The following PALB2 variants were observed in gnomAD, a reference collection of about 807,000 sequenced individuals.
PALB2 encodes the protein partner and localizer of BRCA2.
In PALB2, 82 loss-of-function variants were observed where a neutral mutation model predicts 107.4. That is an observed-to-expected ratio of 0.76 (90% CI 0.64 to 0.92). The LOEUF is 0.92. PALB2 is among the 40% of genes least tolerant of loss of function. The probability of loss-of-function intolerance (pLI) is 0.00; values close to 1 mark genes in which losing one functional copy is unlikely to be tolerated. For synonymous variants in PALB2, 489 were observed against 496.8 expected (o/e 0.98, Z 0.21); for missense variants, 1,374 against 1,379.9 (o/e 1.00, Z 0.07).
chr16:23,607,584 C>T (rs1356144126), intron 12 of PALB2, among the ~76,000 whole-genome samples: 1 of 151,920 alleles, frequency 6.6e-6, no homozygotes, highest in Non-Finnish European at 1.5e-5. Context: ...GCATGATCCA[C>T]CATGTGCTGC....
intron 10 of PALB2, among the ~76,000 whole-genome samples, chr16:23,619,670 T>G (rs1479114796): frequency 6.6e-6 from 1 of 152,232 alleles, no homozygotes; most frequent in East Asian, 1.9e-4. Flanking sequence ...CTGATGTTTT[T>G]TCTTTTTAAA....
intron 7 of PALB2, 56 bp downstream of exon 7, chr16:23,626,177 ATCT>A (rs753566712): frequency 3.8e-5 from 61 of 1,603,790 alleles, no homozygotes; most frequent in Non-Finnish European, 4.8e-5. Flanking sequence ...TAAGCTGCCC[ATCT>A]ACATTATCAG....
At chr16:23,641,032 G>A (rs1281787774) in intron 1 of PALB2, 78 bp downstream of exon 1, 10 of 1,540,736 alleles carry the variant, frequency 6.5e-6, no homozygotes, top group South Asian at 1.2e-5. Flanking sequence ...TCGGACTGCC[G>A]AGGACACAAA....
chr16:23,626,092 ACTTTT>A (rs1430065192), intron 7 of PALB2, 139 bp downstream of exon 7: 1 of 965,258 alleles, frequency 1.0e-6, no homozygotes, highest in Non-Finnish European at 1.6e-6. Flanking sequence ...GATGTTTGAA[ACTTTT>A]CATAATAAAA....
intron 6 of PALB2, among the ~76,000 whole-genome samples, chr16:23,626,766 C>T (rs1966843477): frequency 6.6e-6 from 1 of 151,956 alleles, no homozygotes; most frequent in South Asian, 2.1e-4. Context: ...GGATTACAGG[C>T]GCCCGCCACC....
intron 1 of PALB2, among the ~76,000 whole-genome samples, chr16:23,639,177 T>A (rs1485769776): frequency 6.6e-6 from 1 of 152,114 alleles, no homozygotes; most frequent in Non-Finnish European, 1.5e-5. Flanking sequence ...GCTGTACTCA[T>A]CTTTCAACCA....
At chr16:23,616,847 T>C (rs111806024) in intron 10 of PALB2, among the ~76,000 whole-genome samples, 5,055 of 151,768 alleles carry the variant, frequency 0.033, 117 homozygotes, top group Middle Eastern at 0.089. Flanking sequence ...CGGAGTCTCA[T>C]TGTCGCCCAG....
At chr16:23,627,360 G>A (rs1057318919) in intron 6 of PALB2, among the ~76,000 whole-genome samples, 8 of 151,752 alleles carry the variant, frequency 5.3e-5, no homozygotes, top group South Asian at 2.1e-4. Context: ...GGTGGCGGGC[G>A]CCTGTAGTCC....
intron 10 of PALB2, among the ~76,000 whole-genome samples, chr16:23,620,510 AC>A (rs1966754240): frequency 6.6e-6 from 1 of 151,920 alleles, no homozygotes; most frequent in Non-Finnish European, 1.5e-5. Context: ...AAAGGGAGAA[AC>A]CCCTCCAGTA....
chr16:23,639,722 A>G (rs991632153), intron 1 of PALB2, among the ~76,000 whole-genome samples: 2 of 150,428 alleles, frequency 1.3e-5, no homozygotes, highest in African/African-American at 4.9e-5. Flanking sequence ...CGGGAGGCTG[A>G]GGCAGGAGAA....
rs786203714 is a variant in PALB2 at position 23,635,095 on chromosome 16, A to T, written c.1451T>A (p.Leu484Ter). 2 of 1,614,170 alleles carry T rather than the reference A, an allele frequency of 1.2e-6. No homozygotes were observed. The highest frequency in any genetic ancestry group is 1.7e-6 in the Non-Finnish European group (2 of 1,180,016). Residue 484 changes from leucine (L) to a stop codon, truncating the protein, a stop_gained, in exon 4 of 13, where the codon TTA (leucine) becomes TAA (stop). Transcript: ENST00000261584. LOFTEE classifies it high-confidence loss of function. The part of the protein sequence containing the change: ...SSRTSQKLLS[L>*]TKVSSPAGPT... ...CCCAGCGGGAGAGCTGACTTTAGTT[A>T]ATGAGAGAAGTTTCTGAGAGGTTCT... is the stretch of plus-strand genomic sequence containing the variant.
At position 23,621,413 on chromosome 16, in the gene PALB2, C is replaced by T. The variant is rs1597079719; in HGVS notation, c.3062G>A (p.Gly1021Glu). The T allele has an allele frequency of 6.2e-7, 1 of 1,614,072 alleles. No homozygotes were observed. Among genetic ancestry groups the T allele is most frequent in the Non-Finnish European group, 8.5e-7 (1 of 1,180,000 alleles). ...ETILTFAEVQ[G>E]MQEALLGTTI... is the part of the protein sequence containing the mutation. ...AGTACCAAGCAGAGCTTCTTGCATCCCTTGGACCTCAGCAAAAGTTAGTAT... is the reference window on the plus strand; with the variant it reads ...AGTACCAAGCAGAGCTTCTTGCATCTCTTGGACCTCAGCAAAAGTTAGTAT... Residue 1021 changes from glycine (G) to glutamate (E), a missense_variant, in exon 10 of 13, where the codon GGG (glycine) becomes GAG (glutamate). Physicochemically the swap from Gly to Glu is moderately conservative, Grantham distance 98. Coordinates refer to ENST00000261584, the MANE Select transcript of PALB2 (RefSeq NM_024675.4).
At chr16:23,626,431 A>G (rs1421110871) in intron 6 of PALB2, 34 bp from the exon 7 acceptor site, 2 of 1,613,196 alleles carry the variant, frequency 1.2e-6, no homozygotes, top group Non-Finnish European at 1.7e-6. Flanking sequence ...TTAAAGTGGC[A>G]CTCGAGTGCT....
chr16:23,609,115 G>A (rs1018726348), intron 11 of PALB2, among the ~76,000 whole-genome samples: 6 of 151,994 alleles, frequency 3.9e-5, no homozygotes, highest in Non-Finnish European at 7.4e-5. Flanking sequence ...CGTGAGCCAC[G>A]GCGTCAGGTC....
chr16:23,624,529 T>C (rs1234809848), intron 7 of PALB2, among the ~76,000 whole-genome samples: 1 of 152,236 alleles, frequency 6.6e-6, no homozygotes, highest in Non-Finnish European at 1.5e-5. Context: ...ATTTTTTTTT[T>C]TGAGTCGGAG....
chr16:23,627,139 C>A lies in PALB2; in HGVS notation c.2587-742G>T, dbSNP rs573336608. 3.9e-4 allele frequency among the ~76,000 whole-genome samples: 60 copies of A among 152,216 alleles called. No homozygotes were observed. In the South Asian group the frequency reaches 7.0e-3, roughly 18 times the overall value. ...GACCATGGGAGCACTATGTATCAAA[C>A]CACAGAGCGTGGCCAAAGCAGTATT... On this transcript the variant is annotated intron_variant, in intron 6 of 12. Transcript: ENST00000261584.
intron 3 of PALB2, 48 bp downstream of exon 3, chr16:23,637,802 C>G: frequency 7.0e-7 from 1 of 1,435,338 alleles, no homozygotes; most frequent in Non-Finnish European, 9.8e-7. Flanking sequence ...CAAAATATAC[C>G]TGGGAAATGA....
chr16:23,626,149 C>G (rs2142351984), intron 7 of PALB2, 87 bp downstream of exon 7: 1 of 1,472,328 alleles, frequency 6.8e-7, no homozygotes, highest in East Asian at 2.3e-5. Context: ...CTTGCATGGT[C>G]ATAGCTCCCA....
chr16:23,613,758 C>T (rs1476001482), intron 11 of PALB2, among the ~76,000 whole-genome samples: 2 of 152,116 alleles, frequency 1.3e-5, no homozygotes, highest in Non-Finnish European at 2.9e-5. Context: ...CATAATAGTT[C>T]TCAGTTCAAA....
Sources: gnomAD v4.1 joint callset for allele counts (sites outside exome capture counted in the v4.1 genomes callset) on GRCh38, gnomAD v4.1.1 for gene constraint, MANE v1.5 for transcripts, NCBI Gene and HGNC (gene_info 2026-07-23, HGNC 2026-07-21) for gene names.